Variants in CFAP43 observed in about 807,000 individuals in gnomAD.
CFAP43 encodes the protein cilia and flagella associated protein 43, also known as cilia- and flagella-associated protein 43.
In CFAP43, 155 loss-of-function variants were observed where a neutral mutation model predicts 218.9. The ratio of observed to expected loss-of-function variants is 0.71; its 90% CI spans 0.62 to 0.81. CFAP43 has a LOEUF of 0.81. Among genes scored for constraint, CFAP43 ranks in the 30% least tolerant of loss-of-function variants. CFAP43 has a pLI of 0.00. For missense variants in CFAP43, 1,778 were observed against 1,954.3 expected (o/e 0.91, Z 1.70); for synonymous variants, 645 against 681.3 (o/e 0.95, Z 0.83).
intron 4 of CFAP43, 150 bp from the exon 5 acceptor site, chr10:104,212,307 A>G: frequency 1.3e-6 from 1 of 748,180 alleles, no homozygotes; most frequent in Non-Finnish European, 2.0e-6. Context: ...ATTTAAAAAT[A>G]TATAACAGGT....
intron 17 of CFAP43, among the ~76,000 whole-genome samples, chr10:104,180,563 A>G (rs1029673549): frequency 4.0e-5 from 6 of 150,282 alleles, no homozygotes; most frequent in African/African-American, 1.5e-4. Context: ...CTCCTGCCTC[A>G]GCCTCCTGAG....
At chr10:104,206,056 AG>A in intron 6 of CFAP43, 26 bp from the exon 7 acceptor site, 1 of 1,557,952 alleles carries the variant, frequency 6.4e-7, no homozygotes, top group Non-Finnish European at 8.7e-7. Context: ...AACAAGGTAA[AG>A]CAGGTGACGT....
intron 5 of CFAP43, among the ~76,000 whole-genome samples, chr10:104,208,102 C>T (rs1164812893): frequency 6.6e-6 from 1 of 152,200 alleles, no homozygotes; most frequent in East Asian, 1.9e-4. Context: ...AGGCAAACCA[C>T]CTTTCCCACT....
intron 5 of CFAP43, 143 bp from the exon 6 acceptor site, chr10:104,207,967 A>C (rs997129488): frequency 5.5e-5 from 42 of 762,652 alleles, no homozygotes; most frequent in Non-Finnish European, 7.4e-5. Flanking sequence ...CATTCATCAT[A>C]ATAATTTTTT....
At chr10:104,152,565 T>G in intron 28 of CFAP43, 42 bp downstream of exon 28, 10 of 1,609,174 alleles carry the variant, frequency 6.2e-6, no homozygotes, top group Non-Finnish European at 8.5e-6. Flanking sequence ...GGAAGGGCCC[T>G]GCAAGCTCCT....
intron 19 of CFAP43, among the ~76,000 whole-genome samples, chr10:104,176,725 T>C (rs947668430): frequency 6.6e-6 from 1 of 152,198 alleles, no homozygotes; most frequent in South Asian, 2.1e-4. Flanking sequence ...GAGTTGAAGA[T>C]AGCAGGGTCT....
intron 2 of CFAP43, among the ~76,000 whole-genome samples, chr10:104,229,401 C>G (rs1032865317): frequency 2.6e-5 from 4 of 151,912 alleles, no homozygotes; most frequent in Non-Finnish European, 5.9e-5. Context: ...GCCTGTAATC[C>G]CAGCACTTTG....
intron 35 of CFAP43, 111 bp downstream of exon 35, chr10:104,133,509 T>TA (rs2087293611): frequency 8.4e-7 from 1 of 1,185,344 alleles, no homozygotes; most frequent in African/African-American, 1.6e-5. Flanking sequence ...GAAACACTCC[T>TA]GGCTTAGAAT....
Position 104,183,057 on chromosome 10 carries a change from C to T in CFAP43, c.2142-544G>A, listed in dbSNP as rs115059022. 6.2e-3 allele frequency among the ~76,000 whole-genome samples: 949 copies of T among 152,282 alleles called. 11 individuals carry two copies. Among genetic ancestry groups the T allele is most frequent in the African/African-American group, 0.02 (827 of 41,538 alleles). On this transcript the variant is annotated intron_variant, in intron 16 of 37. Transcript: ENST00000357060. ...CACTGGCTGAGCTCTCGGAATGCAC[C>T]AGGCAGTGTGCTACTTCACACACAT...
chr10:104,187,544 G>GT (rs1564774198), intron 13 of CFAP43, 52 bp from the exon 14 acceptor site: 5 of 1,412,078 alleles, frequency 3.5e-6, no homozygotes, highest in Middle Eastern at 1.9e-4. Context: ...AATTAATTTT[G>GT]TTTTTTTAAA....
chr10:104,166,635 C>T lies in CFAP43; in HGVS notation c.2892G>A (p.Glu964=), dbSNP rs2089169675. The T allele has an allele frequency of 1.2e-6, 2 of 1,614,000 alleles. No homozygotes were observed. Among genetic ancestry groups the T allele is most frequent in the Non-Finnish European group, 1.7e-6 (2 of 1,180,004 alleles). Residue 964 remains glutamate, a synonymous_variant, in exon 23 of 38, where the codon GAG becomes GAA. Transcript: ENST00000357060. ...RHEEDDEEEE[E]EDKTVKYSNL... is the part of the protein sequence containing the mutation. Reference sequence around the variant, plus strand: ...TGCTATATTTTACTGTCTTGTCTTCCTCTTCCTCTTCTTCATCATCCTCTT... The same window carrying T: ...TGCTATATTTTACTGTCTTGTCTTCTTCTTCCTCTTCTTCATCATCCTCTT...
rs1216200035 is a variant in CFAP43, at chr10:104,199,272, A to C, written c.1096-1234T>G. On this transcript the variant is annotated intron_variant, in intron 8 of 37. Coordinates refer to ENST00000357060, the MANE Select transcript of CFAP43 (RefSeq NM_025145.7). The stretch of plus-strand genomic sequence containing the variant: ...GCTGGTAATATAATATGGTCACTTA[A>C]CCAGCAATAAGAAGTCTGCTTTCAG... Among the ~76,000 whole-genome samples the C allele has an allele frequency of 3.3e-5, 5 of 152,348 alleles. No individual in the cohort carries two copies. The East Asian group carries it at 9.6e-4, about 29-fold the overall frequency.
intron 19 of CFAP43, among the ~76,000 whole-genome samples, chr10:104,176,532 G>T (rs591784): frequency 0.47 from 71,454 of 152,058 alleles, 17,746 homozygotes; most frequent in African/African-American, 0.65. Context: ...AAAGTATTTA[G>T]AGTAGGATGA....
intron 7 of CFAP43, among the ~76,000 whole-genome samples, chr10:104,205,443 G>A (rs1381188178): frequency 6.6e-6 from 1 of 152,088 alleles, no homozygotes; most frequent in Non-Finnish European, 1.5e-5. Context: ...TAAGGTTGTT[G>A]TAAGGACCTA....
chr10:104,205,889 T>C (rs1364313162), intron 7 of CFAP43, 74 bp downstream of exon 7: 3 of 1,272,980 alleles, frequency 2.4e-6, no homozygotes, highest in Non-Finnish European at 3.4e-6. Flanking sequence ...ATATGGCTCA[T>C]AATAGTAAAT....
intron 28 of CFAP43, among the ~76,000 whole-genome samples, chr10:104,148,602 T>C (rs1314598272): frequency 6.6e-6 from 1 of 152,076 alleles, no homozygotes; most frequent in Non-Finnish European, 1.5e-5. Flanking sequence ...TGAGTGCTGA[T>C]TGTTAAAGAG....
At chr10:104,211,874 C>G in intron 5 of CFAP43, 133 bp downstream of exon 5, 2 of 1,019,314 alleles carry the variant, frequency 2.0e-6, no homozygotes, top group Non-Finnish European at 2.7e-6. Context: ...GTCTCTGTGG[C>G]TAATCTATAT....
In CFAP43 at chr10:104,185,958, T is replaced by A; in HGVS notation, c.2010+16A>T. ...TATATACACCCACAATATTTTTTTTTAAGAAAGCAGCTTACCAAAGTATAA... is the reference window on the plus strand; with the variant it reads ...TATATACACCCACAATATTTTTTTTAAAGAAAGCAGCTTACCAAAGTATAA... On this transcript the variant is annotated intron_variant, in intron 15 of 37. Transcript: ENST00000357060. 6.2e-7 allele frequency: 1 copy of A among 1,605,570 alleles called. No homozygotes were observed. The highest frequency in any genetic ancestry group is 1.7e-5 in the Admixed American group (1 of 57,794).
intron 34 of CFAP43, among the ~76,000 whole-genome samples, chr10:104,137,031 T>C (rs1033333509): frequency 6.6e-6 from 1 of 152,180 alleles, no homozygotes; most frequent in African/African-American, 2.4e-5. Context: ...GGTGGGAATA[T>C]GAAATGGTGC....
Sources: gnomAD v4.1 joint callset for allele counts (sites outside exome capture counted in the v4.1 genomes callset) on GRCh38, gnomAD v4.1.1 for gene constraint, MANE v1.5 for transcripts, NCBI Gene and HGNC (gene_info 2026-07-23, HGNC 2026-07-21) for gene names.